The following GREB1 variants were observed in gnomAD, a reference collection of about 807,000 sequenced individuals.
The protein encoded by GREB1 is growth regulating estrogen receptor binding 1.
A neutral mutation model predicts 200.7 loss-of-function variants in GREB1; 106 were observed. The observed-to-expected ratio is 0.53, with a 90% CI of 0.45 to 0.62. The LOEUF (loss-of-function observed/expected upper bound fraction) is 0.62. Ranked by LOEUF, GREB1 falls within the 20% of genes least tolerant of loss-of-function variation. GREB1 has a pLI of 0.00. For synonymous variants in GREB1, 1,132 were observed against 1,092.4 expected, an observed-to-expected ratio of 1.04 and a Z score of -0.72; for missense variants, 2,243 against 2,556.8, an observed-to-expected ratio of 0.88 and a Z score of 2.65.
intron 1 of GREB1, among the ~76,000 whole-genome samples, chr2:11,553,716 G>A (rs752389089): frequency 9.9e-5 from 15 of 152,096 alleles, no homozygotes; most frequent in Non-Finnish European, 1.8e-4. Context: ...GCACGCAGTG[G>A]CTGGACAGTG....
In GREB1 at chr2:11,634,247, C is replaced by T; in HGVS notation, c.5108C>T (p.Thr1703Ile). The T allele has an allele frequency of 6.2e-7, 1 of 1,614,208 alleles. No individual in the cohort carries two copies. The highest frequency in any genetic ancestry group is 1.1e-5 in the South Asian group (1 of 91,090). The change falls in exon 29 of 33, where the codon ACC (threonine) becomes ATC (isoleucine). Residue 1703 changes from threonine to isoleucine, a missense_variant. Thr to Ile is a moderately conservative substitution (Grantham distance 89, BLOSUM62 -1). Around this residue, in one of 3 missense-constraint regions of GREB1, gnomAD observed 478 missense variants for 616.3 expected, o/e 0.78. Coordinates refer to ENST00000381486, the MANE Select transcript of GREB1 (RefSeq NM_014668.4). ...GGCCTGCGGAAGTGGTCCAGCAAGACCCGGGCCAGCGAGGTGCAAGAGCCC... is the reference window on the plus strand; with the variant it reads ...GGCCTGCGGAAGTGGTCCAGCAAGATCCGGGCCAGCGAGGTGCAAGAGCCC... ...LLGLRKWSSK[T>I]RASEVQEPFS...
intron 1 of GREB1, among the ~76,000 whole-genome samples, chr2:11,511,295 T>C (rs1401327025): frequency 3.9e-5 from 6 of 152,158 alleles, no homozygotes; most frequent in Non-Finnish European, 7.4e-5. Context: ...ATTTTATGGC[T>C]GGAGAGCTGG....
At position 11,595,528 on chromosome 2, in the gene GREB1, T is replaced by C. The variant is rs201944561; in HGVS notation, c.1825+149T>C. ...CCCTCATTCTGTGCACTTGCACTTC[T>C]GTCCCTTTCTTTTCTTGAGTGACAG... On this transcript the variant is annotated intron_variant, in intron 12 of 32. Transcript: ENST00000381486. The C allele has an allele frequency of 2.8e-5, 20 of 720,898 alleles. No individual in the cohort carries two copies. In the East Asian group the frequency reaches 5.3e-4, roughly 19 times the overall value. The allele number at this position is 720,898 out of a possible 1,614,324, so 44.7% of individuals were successfully genotyped here. A position where few individuals can be genotyped will look rare whatever the true frequency, so the allele number is the denominator to read the frequency against.
rs1189350669 is a variant in GREB1, at chr2:11,616,694, C to T, written c.3386C>T (p.Ser1129Phe). 6.2e-7 allele frequency: 1 copy of T among 1,611,668 alleles called. No homozygotes were observed. Among genetic ancestry groups the T allele is most frequent in the Non-Finnish European group, 8.5e-7 (1 of 1,177,766 alleles). Reference protein sequence around the residue: ...RERSRSHDSASSSLSSKASGS... With the variant: ...RERSRSHDSAFSSLSSKASGS... Reference sequence around the variant, plus strand: ...AGGTCCCGCTCCCACGACTCAGCATCCTCATCCCTCTCCTCCAAGGCTTCC... The same window carrying T: ...AGGTCCCGCTCCCACGACTCAGCATTCTCATCCCTCTCCTCCAAGGCTTCC... Residue 1129 changes from serine to phenylalanine, a missense_variant, in exon 21 of 33, where the codon TCC becomes TTC. Physicochemically the swap from Ser to Phe is radical, Grantham distance 155. Transcript: ENST00000381486.
rs147071309 is a variant in GREB1, at chr2:11,501,554, C to T, written c.-159+19173C>T. The stretch of plus-strand genomic sequence containing the variant: ...GACTACAGGCACGTGCCACCATGCC[C>T]GGCTAATTTTTGTATTTTTAGTAGA... On this transcript the variant is annotated intron_variant, in intron 1 of 2. Transcript: ENST00000628795. Among the ~76,000 whole-genome samples, 316 of 151,964 alleles carry T rather than the reference C, an allele frequency of 2.1e-3. 2 individuals are homozygous for T. The highest frequency in any genetic ancestry group is 6.3e-3 in the African/African-American group (260 of 41,442).
chr2:11,623,054 T>G (rs1482388963), intron 23 of GREB1, among the ~76,000 whole-genome samples: 1 of 152,248 alleles, frequency 6.6e-6, no homozygotes. Flanking sequence ...TCATCCTTTG[T>G]GCGCATTTAA....
chr2:11,510,045 T>C (rs1673304934), intron 1 of GREB1, among the ~76,000 whole-genome samples: 1 of 152,222 alleles, frequency 6.6e-6, no homozygotes, highest in Non-Finnish European at 1.5e-5. Context: ...GGGTTTCTTT[T>C]GGTTTATAAC....
intron 10 of GREB1, chr2:11,592,127 AT>A: frequency 5.1e-6 from 5 of 980,780 alleles, no homozygotes; most frequent in Non-Finnish European, 6.1e-6. Flanking sequence ...AACTTTCTGA[AT>A]TCTGTTTAAA....
intron 15 of GREB1, among the ~76,000 whole-genome samples, chr2:11,599,241 G>T (rs1023910738): frequency 6.6e-6 from 1 of 152,058 alleles, no homozygotes; most frequent in Non-Finnish European, 1.5e-5. Context: ...GGGTGCGGAG[G>T]GTCCTAGCAG....
At chr2:11,511,785 G>C (rs1298664285) in intron 1 of GREB1, among the ~76,000 whole-genome samples, 1 of 152,148 alleles carries the variant, frequency 6.6e-6, no homozygotes, top group African/African-American at 2.4e-5. Flanking sequence ...CTGTATTTTA[G>C]ACACCTAGTC....
intron 27 of GREB1, 84 bp from the exon 28 acceptor site, chr2:11,632,805 C>A: frequency 1.6e-6 from 2 of 1,247,704 alleles, no homozygotes; most frequent in Non-Finnish European, 2.3e-6. Context: ...TCTGGGCGGC[C>A]CCGACAGCAG....
chr2:11,614,981 C>G, intron 19 of GREB1, 110 bp from the exon 20 acceptor site: 1 of 800,996 alleles, frequency 1.2e-6, no homozygotes, highest in Admixed American at 1.9e-5. Context: ...GTCCTTGGGT[C>G]CTCACCAGGA....
chr2:11,549,500 T>C (rs1296481617), intron 1 of GREB1, among the ~76,000 whole-genome samples: 1 of 152,210 alleles, frequency 6.6e-6, no homozygotes, highest in Non-Finnish European at 1.5e-5. Context: ...GGAAATAATA[T>C]GGTAGGAAAA....
rs982363282 is a variant in GREB1, at chr2:11,585,800, G to A, written c.1054G>A (p.Val352Met). The A allele has an allele frequency of 1.9e-6, 3 of 1,613,658 alleles. No homozygotes were observed. Among genetic ancestry groups the A allele is most frequent in the East Asian group, 4.5e-5 (2 of 44,882 alleles). Residue 352 changes from valine (V) to methionine (M), a missense_variant, in exon 9 of 33, where the codon GTG (valine) becomes ATG (methionine). This residue lies in a region of GREB1 where 1,178 missense variants were observed against 1,387.4 expected (regional missense o/e 0.85). Transcript: ENST00000381486. Reference sequence around the variant, plus strand: ...GTCCTGCGTGCCGCAGGTTGGCTTGGTGGGACCAGCTTCAGTCACCTTTCC... The same window carrying A: ...GTCCTGCGTGCCGCAGGTTGGCTTGATGGGACCAGCTTCAGTCACCTTTCC... ...GMSCVPQVGLVGPASVTFPVV... is the reference protein window; with the variant it reads ...GMSCVPQVGLMGPASVTFPVV...
intron 1 of GREB1, among the ~76,000 whole-genome samples, chr2:11,538,867 C>T (rs896902996): frequency 4.0e-5 from 5 of 124,136 alleles, no homozygotes; most frequent in Admixed American, 8.2e-5. Flanking sequence ...CTCCCTCCGT[C>T]CCTCCCTTTT....
At chr2:11,617,712 A>G (rs1683545821) in intron 21 of GREB1, among the ~76,000 whole-genome samples, 1 of 152,086 alleles carries the variant, frequency 6.6e-6, no homozygotes, top group South Asian at 2.1e-4. Flanking sequence ...CGGTGGCCGC[A>G]GGCTCCTGTT....
intron 2 of GREB1, 130 bp from the exon 3 acceptor site, chr2:11,562,333 C>A (rs1424729243): frequency 3.9e-5 from 46 of 1,170,326 alleles, no homozygotes; most frequent in Non-Finnish European, 2.4e-6. Context: ...ATGGGTGGAA[C>A]CCATTCTGGA....
chr2:11,493,208 C>T lies in GREB1; in HGVS notation c.-159+10827C>T, dbSNP rs1672808200. Among the ~76,000 whole-genome samples the T allele has an allele frequency of 6.6e-6, 1 of 152,138 alleles. No individual in the cohort carries two copies. The highest frequency in any genetic ancestry group is 1.5e-5 in the Non-Finnish European group (1 of 68,024). ...AGGGAAATGAGGTATGTACTGTATG[C>T]CATAGGACTTGAACCTTGTTTATAT... On this transcript the variant is annotated intron_variant, in intron 1 of 2. Coordinates refer to the GREB1 transcript ENST00000628795. This position sits in a 1 kb window ranked among gnomAD's most constrained non-coding sequence, Gnocchi z 4.6.
intron 18 of GREB1, 180 bp from the exon 19 acceptor site, chr2:11,612,315 C>T: frequency 7.5e-7 from 1 of 1,338,560 alleles, no homozygotes; most frequent in South Asian, 1.6e-5. Flanking sequence ...TTCTAGCCGA[C>T]TGAAAATACG....
Sources: gnomAD v4.1 joint callset for allele counts (sites outside exome capture counted in the v4.1 genomes callset) on GRCh38, gnomAD v4.1.1 for gene constraint, gnomAD v4.1.1 regional missense constraint, Gnocchi (gnomAD v3.1) non-coding constraint, MANE v1.5 for transcripts, NCBI Gene and HGNC (gene_info 2026-07-23, HGNC 2026-07-21) for gene names.